Variants in CHLSN observed in about 807,000 individuals in gnomAD.
CHLSN encodes the protein cholesin, also known as protein cholesin.
At chr7:1,083,235 G>A in the CHLSN span, among the ~76,000 whole-genome samples, 1 of 152,278 alleles carries the variant, frequency 6.6e-6, no homozygotes, top group Non-Finnish European at 1.5e-5. Flanking sequence ...GCCAGCAGCC[G>A]CACGCGCCTT....
At chr7:1,021,135 G>A in the CHLSN span, among the ~76,000 whole-genome samples, 1 of 151,706 alleles carries the variant, frequency 6.6e-6, no homozygotes, top group Non-Finnish European at 1.5e-5. Context: ...CTCCAGGCTG[G>A]AGACATTCCA....
At chr7:1,088,583 C>T in the CHLSN span, among the ~76,000 whole-genome samples, 9 of 152,284 alleles carry the variant, frequency 5.9e-5, no homozygotes, top group East Asian at 1.9e-4. The surrounding 1 kb of genome is among the most constrained non-coding windows in gnomAD (Gnocchi z 4.5). Flanking sequence ...CCCAGTATTC[C>T]GTCACGTTCT....
the CHLSN span, among the ~76,000 whole-genome samples, chr7:1,023,604 G>C: frequency 6.8e-6 from 1 of 146,936 alleles, no homozygotes; most frequent in African/African-American, 2.5e-5. The surrounding 1 kb of genome is among the most constrained non-coding windows in gnomAD (Gnocchi z 5.0). Context: ...GACGAAGACT[G>C]TGGGGGCCTC....
the CHLSN span, among the ~76,000 whole-genome samples, chr7:1,107,025 G>A: frequency 9.9e-5 from 15 of 152,282 alleles, no homozygotes; most frequent in Non-Finnish European, 1.9e-4. Flanking sequence ...CAGCCTCCTT[G>A]CCTGCCCGCC....
chr7:983,002 C>T, the CHLSN span, among the ~76,000 whole-genome samples: 4 of 152,128 alleles, frequency 2.6e-5, no homozygotes, highest in Non-Finnish European at 5.9e-5. Context: ...CTGCCCTCCC[C>T]TCCCCGGCCC....
At chr7:978,216 G>A in the CHLSN span, among the ~76,000 whole-genome samples, 9 of 152,130 alleles carry the variant, frequency 5.9e-5, no homozygotes, top group South Asian at 4.1e-4. Context: ...GCAGTTCACC[G>A]GTGTAAAAAG....
chr7:1,085,645 C>T, the CHLSN span, among the ~76,000 whole-genome samples: 1 of 147,436 alleles, frequency 6.8e-6, no homozygotes, highest in South Asian at 2.2e-4. Flanking sequence ...CCAGCCTTGG[C>T]AATACAGTGA....
the CHLSN span, among the ~76,000 whole-genome samples, chr7:1,083,153 C>T: frequency 7.9e-5 from 12 of 152,368 alleles, no homozygotes; most frequent in Middle Eastern, 3.4e-3. Flanking sequence ...CCCAAGGATG[C>T]GCCCAGAATG....
chr7:1,105,419 G>A, the CHLSN span, among the ~76,000 whole-genome samples: 2 of 152,190 alleles, frequency 1.3e-5, no homozygotes, highest in Non-Finnish European at 2.9e-5. Flanking sequence ...AGAACAACAG[G>A]GGCTGCCTCA....
the CHLSN span, among the ~76,000 whole-genome samples, chr7:1,038,303 T>TG: frequency 1.9e-4 from 12 of 64,062 alleles, 2 homozygotes; most frequent in African/African-American, 2.8e-4. Context: ...GGGAGGGAGG[T>TG]GGGGGGGTCA....
chr7:1,131,352 G>A, the CHLSN span, among the ~76,000 whole-genome samples: 1 of 152,180 alleles, frequency 6.6e-6, no homozygotes, highest in African/African-American at 2.4e-5. Flanking sequence ...AGTCAGGGGA[G>A]GTCAAGACAG....
At chr7:1,014,630 G>A in the CHLSN span, among the ~76,000 whole-genome samples, 3 of 152,256 alleles carry the variant, frequency 2.0e-5, no homozygotes, top group Admixed American at 6.5e-5. Flanking sequence ...AGGAAACGTG[G>A]GACAAACACG....
chr7:1,113,696 T>A, the CHLSN span, among the ~76,000 whole-genome samples: 1 of 152,130 alleles, frequency 6.6e-6, no homozygotes, highest in African/African-American at 2.4e-5. Context: ...ACAGACTCAT[T>A]ACCTCCTCTT....
At chr7:1,089,883 T>C in the CHLSN span, among the ~76,000 whole-genome samples, 2 of 151,604 alleles carry the variant, frequency 1.3e-5, no homozygotes, top group Admixed American at 6.6e-5. Flanking sequence ...AGAAGTTCGA[T>C]ACAAGCCTGG....
the CHLSN span, among the ~76,000 whole-genome samples, chr7:1,016,765 A>ATGC: frequency 1.3e-5 from 1 of 77,072 alleles, no homozygotes; most frequent in Non-Finnish European, 2.4e-5. Flanking sequence ...ACGCCAGCGC[A>ATGC]CAGCGCACAG....
At chr7:1,001,454 G>A in the CHLSN span, among the ~76,000 whole-genome samples, 1 of 141,874 alleles carries the variant, frequency 7.0e-6, no homozygotes, top group Non-Finnish European at 1.5e-5. Flanking sequence ...GGTGAGTGGA[G>A]TCCTGTGGGT....
At chr7:1,044,033 T>G in the CHLSN span, 6 of 152,256 alleles carry the variant, frequency 3.9e-5, no homozygotes, top group Non-Finnish European at 5.9e-5. Context: ...CAGGCAGCAA[T>G]GTGTTTCTTT....
chr7:1,069,485 G>C, the CHLSN span, among the ~76,000 whole-genome samples: 112 of 142,194 alleles, frequency 7.9e-4, 2 homozygotes, highest in African/African-American at 2.7e-3. Flanking sequence ...TCAGCCTGCC[G>C]AGTGCCTGCG....
At chr7:984,205 G>T in the CHLSN span, among the ~76,000 whole-genome samples, 1 of 152,226 alleles carries the variant, frequency 6.6e-6, no homozygotes, top group Non-Finnish European at 1.5e-5. Context: ...CCAAGCACCA[G>T]ATGGCGAGAG....
Sources: allele counts gnomAD v4.1 joint callset (sites outside exome capture counted in the v4.1 genomes callset), GRCh38; gene constraint gnomAD v4.1.1; non-coding constraint Gnocchi (gnomAD v3.1); transcripts MANE v1.5; gene names NCBI Gene and HGNC (gene_info 2026-07-23, HGNC 2026-07-21).